The following SORCS1 variants were observed in gnomAD, a reference collection of about 807,000 sequenced individuals.
SORCS1 encodes the protein VPS10 domain-containing receptor SorCS1.
A neutral mutation model predicts 146.1 loss-of-function variants in SORCS1; 60 were observed. The ratio of observed to expected loss-of-function variants is 0.41; its 90% CI spans 0.33 to 0.51. SORCS1 has a LOEUF of 0.51. SORCS1 is among the 20% of genes least tolerant of loss of function. The pLI, the probability that SORCS1 is intolerant of heterozygous loss-of-function variation, is 0.21. For missense variants in SORCS1, 1,352 were observed against 1,487.6 expected (o/e 0.91, Z 1.50); for synonymous variants, 637 against 584.0 (o/e 1.09, Z -1.31).
upstream of SORCS1, among the ~76,000 whole-genome samples, chr10:107,166,727 T>G (rs2134977109): frequency 6.6e-6 from 1 of 152,270 alleles, no homozygotes; most frequent in African/African-American, 2.4e-5. Context: ...CCTGCTAACC[T>G]CCTTTCCAGT....
At chr10:107,100,992 T>A (rs1326245841) in intron 1 of SORCS1, among the ~76,000 whole-genome samples, 2 of 152,206 alleles carry the variant, frequency 1.3e-5, no homozygotes, top group Admixed American at 6.5e-5. Context: ...ACTCCTGGAC[T>A]CAAGAGATCC....
intron 1 of SORCS1, among the ~76,000 whole-genome samples, chr10:106,976,623 G>A (rs150444301): frequency 0.015 from 2,312 of 152,164 alleles, 63 homozygotes; most frequent in African/African-American, 0.053. Context: ...GAGCCACCGC[G>A]CCCGGCTGCC....
intron 17 of SORCS1, among the ~76,000 whole-genome samples, chr10:106,655,531 T>C (rs1345870067): frequency 4.6e-5 from 7 of 152,118 alleles, no homozygotes; most frequent in Admixed American, 2.0e-4. Flanking sequence ...TAGAGAATAT[T>C]CTTTTGTTTG....
Position 106,576,675 on chromosome 10 carries a change from C to G in SORCS1, c.*745G>C, listed in dbSNP as rs1219122690. On this transcript the variant is annotated 3_prime_UTR_variant, in exon 26 of 26. Coordinates refer to ENST00000263054, the MANE Select transcript of SORCS1 (RefSeq NM_052918.5). ...ACTCGCATCTTTGTTCCTGTGGCCA[C>G]AGAGAGTGCAGAAAGCAGCCTTGTG... The G allele has an allele frequency of 6.6e-6, 1 of 152,306 alleles. No individual in the cohort carries two copies. The highest frequency in any genetic ancestry group is 1.5e-5 in the Non-Finnish European group (1 of 68,176). The allele number at this position is 152,306 out of a possible 1,614,324, so 9.4% of individuals were successfully genotyped here.
At chr10:106,856,481 C>G (rs952684659) in intron 2 of SORCS1, among the ~76,000 whole-genome samples, 1 of 152,176 alleles carries the variant, frequency 6.6e-6, no homozygotes, top group African/African-American at 2.4e-5. Context: ...TATTTCCCTT[C>G]CCCCTAGTCA....
At chr10:106,593,128 CAA>C (rs1211788882) in intron 24 of SORCS1, among the ~76,000 whole-genome samples, 1,053 of 80,702 alleles carry the variant, frequency 0.013, 14 homozygotes, top group African/African-American at 0.044. Context: ...GACCCCATCT[CAA>C]AAAAAAAAAA....
rs769137591 is a variant in SORCS1 at position 106,829,679 on chromosome 10, A to G, written c.627-6T>C. ...TTGTTCCATAATCGGTTGACCTATA[A>G]TCCAAAAAGAGCATTAATGAGGACA... On this transcript the variant is annotated splice_polypyrimidine_tract_variant and splice_region_variant and intron_variant, in intron 2 of 25. Coordinates refer to ENST00000263054, the MANE Select transcript of SORCS1 (RefSeq NM_052918.5). The G allele has an allele frequency of 6.3e-7, 1 of 1,598,520 alleles. No individual in the cohort carries two copies. The highest frequency in any genetic ancestry group is 1.1e-5 in the South Asian group (1 of 90,496).
chr10:106,913,292 A>G (rs1952255531), intron 2 of SORCS1, among the ~76,000 whole-genome samples: 3 of 152,228 alleles, frequency 2.0e-5, no homozygotes, highest in African/African-American at 7.2e-5. Context: ...TGCCAGAACC[A>G]AAGCCTCCCC....
chr10:106,698,588 T>A (rs1385984183), intron 9 of SORCS1, among the ~76,000 whole-genome samples: 3 of 152,344 alleles, frequency 2.0e-5, no homozygotes, highest in East Asian at 3.9e-4. Flanking sequence ...CCAACATACA[T>A]GATTTTCTTT....
chr10:106,707,950 C>T (rs948904093), intron 7 of SORCS1, among the ~76,000 whole-genome samples: 7 of 152,178 alleles, frequency 4.6e-5, no homozygotes, highest in African/African-American at 1.7e-4. Flanking sequence ...ATCATCTTCA[C>T]CGTCATGTGG....
intron 5 of SORCS1, 50 bp downstream of exon 5, chr10:106,761,538 T>C (rs755953682): frequency 8.5e-6 from 13 of 1,523,744 alleles, no homozygotes; most frequent in Non-Finnish European, 1.0e-5. Context: ...TACTAGGTCA[T>C]ATCTGACTAG....
chr10:106,657,583 C>A (rs1162961298), intron 17 of SORCS1, among the ~76,000 whole-genome samples: 1 of 151,228 alleles, frequency 6.6e-6, no homozygotes, highest in Non-Finnish European at 1.5e-5. Context: ...TAACCGAAGA[C>A]CACTTGTACT....
intron 24 of SORCS1, among the ~76,000 whole-genome samples, chr10:106,591,716 T>C (rs2133275744): frequency 6.6e-6 from 1 of 152,268 alleles, no homozygotes; most frequent in Non-Finnish European, 1.5e-5. Flanking sequence ...AAGGTGATGG[T>C]CATGATCATC....
At chr10:106,865,124 T>C (rs1360144999) in intron 2 of SORCS1, among the ~76,000 whole-genome samples, 1 of 151,870 alleles carries the variant, frequency 6.6e-6, no homozygotes, top group Non-Finnish European at 1.5e-5. Context: ...ACAGCTGCTA[T>C]ACAAAAATGT....
chr10:106,578,857 G>T (rs931669283), intron 25 of SORCS1: 1 of 1,376,470 alleles, frequency 7.3e-7, no homozygotes, highest in Non-Finnish European at 9.4e-7. Flanking sequence ...TTTAGGGAGG[G>T]TTTTGCAAAA....
At chr10:106,586,383 A>G (rs1845236447) in intron 24 of SORCS1, among the ~76,000 whole-genome samples, 1 of 151,756 alleles carries the variant, frequency 6.6e-6, no homozygotes, top group Non-Finnish European at 1.5e-5. Context: ...TCTGTATTTT[A>G]TATGTGTTAT....
intron 23 of SORCS1, chr10:106,600,610 T>C: frequency 1.0e-6 from 1 of 985,102 alleles, no homozygotes; most frequent in Non-Finnish European, 1.2e-6. Context: ...CTAAAGGACA[T>C]TATATATGCT....
chr10:106,791,121 T>A (rs1946298956), intron 3 of SORCS1, among the ~76,000 whole-genome samples: 2 of 152,226 alleles, frequency 1.3e-5, no homozygotes, highest in Admixed American at 1.3e-4. Flanking sequence ...AAGAGAAATT[T>A]ATACAGCAAG....
At chr10:107,044,438 G>A (rs1322030188) in intron 1 of SORCS1, among the ~76,000 whole-genome samples, 1 of 131,168 alleles carries the variant, frequency 7.6e-6, no homozygotes, top group Non-Finnish European at 1.6e-5. Flanking sequence ...AAAAAAACAA[G>A]CAATGTAATT....
Sources: gnomAD v4.1 joint callset for allele counts (sites outside exome capture counted in the v4.1 genomes callset) on GRCh38, gnomAD v4.1.1 for gene constraint, MANE v1.5 for transcripts, NCBI Gene and HGNC (gene_info 2026-07-23, HGNC 2026-07-21) for gene names.